NR3C2: variants seen among roughly 807,000 people sequenced by gnomAD.
The protein encoded by NR3C2 is mineralocorticoid receptor.
A neutral mutation model predicts 86.4 loss-of-function variants in NR3C2; 15 were observed. That is an observed-to-expected ratio of 0.17 (90% CI 0.12 to 0.27). The LOEUF is 0.27. Ranked by LOEUF, NR3C2 falls within the 10% of genes least tolerant of loss-of-function variation. The pLI is 1.00. For synonymous variants in NR3C2, 458 were observed against 450.5 expected, an observed-to-expected ratio of 1.02 and a Z score of -0.21; for missense variants, 960 against 1,195.6, an observed-to-expected ratio of 0.80 and a Z score of 2.91.
intron 3 of NR3C2, among the ~76,000 whole-genome samples, chr4:148,215,480 A>C (rs752186460): frequency 6.6e-6 from 1 of 152,242 alleles, no homozygotes; most frequent in Non-Finnish European, 1.5e-5. Flanking sequence ...GCTGTGGATA[A>C]ACAGTATGGA....
chr4:148,142,326 C>T (rs761391161), intron 6 of NR3C2, among the ~76,000 whole-genome samples: 17 of 152,180 alleles, frequency 1.1e-4, no homozygotes, highest in African/African-American at 1.9e-4. Context: ...CGAATGGCGA[C>T]GGAAGTGGCA....
At chr4:148,333,532 T>C (rs1038675468) in intron 2 of NR3C2, among the ~76,000 whole-genome samples, 8 of 119,634 alleles carry the variant, frequency 6.7e-5, no homozygotes, top group African/African-American at 2.4e-4. Flanking sequence ...CCAGAAAGTC[T>C]CCTTAAAATC....
intron 2 of NR3C2, among the ~76,000 whole-genome samples, chr4:148,407,402 A>G (rs891910899): frequency 1.3e-5 from 2 of 152,186 alleles, no homozygotes; most frequent in African/African-American, 4.8e-5. Flanking sequence ...GTAAAAATGT[A>G]TCTTTTTCAT....
chr4:148,332,857 G>A (rs1285188800), intron 2 of NR3C2, among the ~76,000 whole-genome samples: 2 of 152,134 alleles, frequency 1.3e-5, no homozygotes, highest in African/African-American at 4.8e-5. Context: ...GTGTGTTAGA[G>A]TGTGTATGTG....
chr4:148,189,837 T>C (rs1035301672), intron 4 of NR3C2, among the ~76,000 whole-genome samples: 5 of 152,236 alleles, frequency 3.3e-5, no homozygotes, highest in African/African-American at 7.2e-5. Context: ...AAGGTGTTTA[T>C]AGTAGCCTTG....
At chr4:148,198,004 A>G (rs1736522105) in intron 3 of NR3C2, among the ~76,000 whole-genome samples, 1 of 152,074 alleles carries the variant, frequency 6.6e-6, no homozygotes, top group Non-Finnish European at 1.5e-5. Flanking sequence ...CAGCCATTCT[A>G]GAAGACAGAA....
chr4:148,146,846 G>A (rs1733892034), intron 6 of NR3C2: 1 of 152,312 alleles, frequency 6.6e-6, no homozygotes, highest in East Asian at 1.9e-4. Flanking sequence ...ACTTGAGGTA[G>A]TATAAGCAAG....
chr4:148,220,641 A>G (rs550531828), intron 3 of NR3C2, among the ~76,000 whole-genome samples: 3 of 152,274 alleles, frequency 2.0e-5, no homozygotes, highest in African/African-American at 7.2e-5. Context: ...CGCTGTCTCT[A>G]CAATTAAAAA....
At chr4:148,316,606 G>C (rs746745977) in intron 2 of NR3C2, among the ~76,000 whole-genome samples, 1 of 152,018 alleles carries the variant, frequency 6.6e-6, no homozygotes, top group Non-Finnish European at 1.5e-5. Flanking sequence ...TTTCTTTTAA[G>C]GAGGAAATTT....
intron 8 of NR3C2, among the ~76,000 whole-genome samples, chr4:148,096,477 A>G (rs1731281108): frequency 6.6e-6 from 1 of 152,160 alleles, no homozygotes; most frequent in Non-Finnish European, 1.5e-5. Flanking sequence ...AGGAACACCA[A>G]GCAATAAGGG....
chr4:148,187,886 T>A (rs934692206), intron 4 of NR3C2, among the ~76,000 whole-genome samples: 1 of 152,194 alleles, frequency 6.6e-6, no homozygotes, highest in African/African-American at 2.4e-5. Flanking sequence ...CATCTTGAGT[T>A]GATTTTTGTA....
intron 3 of NR3C2, among the ~76,000 whole-genome samples, chr4:148,232,677 TCTAA>T (rs1440866426): frequency 2.6e-5 from 4 of 152,202 alleles, no homozygotes; most frequent in Non-Finnish European, 4.4e-5. Flanking sequence ...ACTGTCTTCT[TCTAA>T]CTATCAAAGT....
chr4:148,256,398 T>C (rs867790561), intron 3 of NR3C2, among the ~76,000 whole-genome samples: 28 of 152,298 alleles, frequency 1.8e-4, no homozygotes, highest in South Asian at 1.5e-3. Flanking sequence ...ACCAGGAACT[T>C]TGGCATTTGT....
chr4:148,238,982 G>A (rs1738880922), intron 3 of NR3C2, among the ~76,000 whole-genome samples: 1 of 152,166 alleles, frequency 6.6e-6, no homozygotes, highest in Non-Finnish European at 1.5e-5. Flanking sequence ...GAGTCCAAGG[G>A]CCGGAGGTGG....
chr4:148,330,738 G>A (rs1163597335), intron 2 of NR3C2, among the ~76,000 whole-genome samples: 1 of 152,198 alleles, frequency 6.6e-6, no homozygotes, highest in East Asian at 1.9e-4. Context: ...GTGTTGAAAT[G>A]TAATCCCCAG....
intron 2 of NR3C2, among the ~76,000 whole-genome samples, chr4:148,380,786 T>C (rs1746937183): frequency 6.6e-6 from 1 of 152,192 alleles, no homozygotes. Context: ...ATGATGAGTT[T>C]TTAAAACTCT....
intron 2 of NR3C2, among the ~76,000 whole-genome samples, chr4:148,409,603 C>T (rs1748594704): frequency 6.6e-6 from 1 of 151,966 alleles, no homozygotes; most frequent in South Asian, 2.1e-4. Context: ...GAATTAGCTA[C>T]CTAAAAAATT....
intron 6 of NR3C2, among the ~76,000 whole-genome samples, chr4:148,145,693 G>A (rs1246751671): frequency 6.6e-6 from 1 of 152,154 alleles, no homozygotes; most frequent in Non-Finnish European, 1.5e-5. Context: ...TGCTTTCATG[G>A]TCAGGCTGTC....
intron 2 of NR3C2, among the ~76,000 whole-genome samples, chr4:148,404,921 C>T (rs1008517102): frequency 2.6e-5 from 4 of 152,186 alleles, no homozygotes; most frequent in Middle Eastern, 3.4e-3. Flanking sequence ...ATCTTCAAAG[C>T]TTATAAACTT....
Sources: gnomAD v4.1 joint callset for allele counts (sites outside exome capture counted in the v4.1 genomes callset) on GRCh38, gnomAD v4.1.1 for gene constraint, MANE v1.5 for transcripts, NCBI Gene and HGNC (gene_info 2026-07-23, HGNC 2026-07-21) for gene names.